BLCAP: variants seen among roughly 807,000 people sequenced by gnomAD.
BLCAP encodes apoptosis inducing factor BLCAP.
Under a neutral mutation model 5.7 loss-of-function variants are expected in BLCAP, and 1 was observed. The observed-to-expected ratio is 0.18, with a 90% CI of 0.06 to 0.83. The LOEUF is 0.83. Ranked by LOEUF, BLCAP falls within the 40% of genes least tolerant of loss-of-function variation. The pLI is 0.71. For synonymous variants in BLCAP, 48 were observed against 49.4 expected (o/e 0.97, Z 0.11); for missense variants, 66 against 107.6 (o/e 0.61, Z 1.71).
At chr20:37,522,832 T>A (rs914180033) in intron 1 of BLCAP, 11 of 1,393,264 alleles carry the variant, frequency 7.9e-6, no homozygotes, top group Non-Finnish European at 1.1e-5. Context: ...CGGGAGCCAG[T>A]GCCGCGCAGG....
rs1372549611 is a variant in BLCAP at position 37,527,833 on chromosome 20, T to TGCC, written c.-220_-218dup. On this transcript the variant is annotated 5_prime_UTR_variant, in exon 1 of 2. Transcript: ENST00000373537. The stretch of plus-strand genomic sequence containing the variant: ...TGGCGCCGCCGCCACTGTCGCCGTC[T>TGCC]GCCGCAGCCTGCCTCCACCTCAGCT... 1 of 152,558 alleles carries TGCC rather than the reference T, an allele frequency of 6.6e-6. No individual in the cohort carries two copies. The highest frequency in any genetic ancestry group is 1.5e-5 in the Non-Finnish European group (1 of 68,298). The allele number at this position is 152,558 out of a possible 1,614,324, so 9.5% of individuals were successfully genotyped here.
intron 1 of BLCAP, among the ~76,000 whole-genome samples, chr20:37,525,380 T>G (rs1217435634): frequency 6.6e-6 from 1 of 152,234 alleles, no homozygotes; most frequent in Non-Finnish European, 1.5e-5. Context: ...ACAGCACCTC[T>G]TGTGCCCCCA....
intron 1 of BLCAP, among the ~76,000 whole-genome samples, chr20:37,522,189 A>AAT (rs1555806947): frequency 3.7e-4 from 27 of 73,682 alleles, no homozygotes; most frequent in East Asian, 2.0e-3. Flanking sequence ...ACAAAAAAAA[A>AAT]AATAATAATA....
At chr20:37,524,805 G>T (rs909945731) in intron 1 of BLCAP, among the ~76,000 whole-genome samples, 1 of 152,152 alleles carries the variant, frequency 6.6e-6, no homozygotes, top group African/African-American at 2.4e-5. Context: ...AATTATAGGG[G>T]TGGGGAGGTG....
Position 37,518,961 on chromosome 20 carries a change from C to CG in BLCAP, c.213dup (p.Asp72ArgfsTer10). 1.2e-6 allele frequency: 2 copies of CG among 1,614,190 alleles called. No homozygotes were observed. The highest frequency in any genetic ancestry group is 1.7e-6 in the Non-Finnish European group (2 of 1,180,048). ...TGCGCCGATTCTGGAAGCGGGGAATCGGAGCAGTGGTACAGGAAACAGTTT... is the reference window on the plus strand; with the variant it reads ...TGCGCCGATTCTGGAAGCGGGGAATCGGGAGCAGTGGTACAGGAAACAGTTT... On this transcript the variant is annotated frameshift_variant, in exon 2 of 2. Transcript: ENST00000373537. LOFTEE classifies it high-confidence loss of function.
intron 1 of BLCAP, chr20:37,520,097 G>A (rs1322920456): frequency 6.6e-6 from 1 of 152,264 alleles, no homozygotes; most frequent in Non-Finnish European, 1.5e-5. Flanking sequence ...GCACTGTATA[G>A]AACCTGACCT....
At chr20:37,520,942 C>G (rs550782777) in intron 1 of BLCAP, among the ~76,000 whole-genome samples, 1 of 152,150 alleles carries the variant, frequency 6.6e-6, no homozygotes, top group African/African-American at 2.4e-5. Context: ...AGGCCAGGGA[C>G]TGGGGAGAAG....
chr20:37,521,139 T>G lies in BLCAP; in HGVS notation c.-176-1789A>C, dbSNP rs2071552203. On this transcript the variant is annotated intron_variant, in intron 1 of 1. Transcript: ENST00000373537. The surrounding 1 kb of genome is among the most constrained non-coding windows in gnomAD (Gnocchi z 4.5). ...CAGATGGATTATTTTTTTCCTCTCC[T>G]GGCGAATGAGGAGCGCCCCCAGCCA... 1.5e-6 allele frequency: 1 copy of G among 655,654 alleles called. No homozygotes were observed. Among genetic ancestry groups the G allele is most frequent in the Non-Finnish European group, 2.7e-6 (1 of 364,904 alleles). 40.6% of individuals were successfully genotyped at this position (655,654 alleles called of 1,614,324 possible).
chr20:37,519,327 G>T lies in BLCAP; in HGVS notation c.-153C>A. 1 of 812,312 alleles carries T rather than the reference G, an allele frequency of 1.2e-6. No homozygotes were observed. 50.3% of individuals were successfully genotyped at this position (812,312 alleles called of 1,614,324 possible). On this transcript the variant is annotated 5_prime_UTR_variant, in exon 2 of 2. Coordinates refer to ENST00000373537, the MANE Select transcript of BLCAP (RefSeq NM_006698.4). ...CGCTGTGCTCTCTGGCTGTCAGCCC[G>T]GGATCACCAAGGCAGCAGGGATCCT... is the stretch of plus-strand genomic sequence containing the variant.
In BLCAP at chr20:37,519,216, C is replaced by G. The variant is rs1372739398; in HGVS notation, c.-42G>C. 6.5e-7 allele frequency: 1 copy of G among 1,537,908 alleles called. No homozygotes were observed. ...GGCCTTCACCAAGGCTGCCGGGCAC[C>G]GCTGCAGGAACCGACCTAATGGGAG... On this transcript the variant is annotated 5_prime_UTR_variant, in exon 2 of 2. Transcript: ENST00000373537.
intron 1 of BLCAP, chr20:37,522,598 G>GCGC: frequency 2.3e-6 from 2 of 864,472 alleles, no homozygotes; most frequent in African/African-American, 1.8e-5. Flanking sequence ...GCGGGGGTGG[G>GCGC]CACGGCAGCA....
At chr20:37,520,903 G>A (rs1046048849) in intron 1 of BLCAP, among the ~76,000 whole-genome samples, 1 of 152,172 alleles carries the variant, frequency 6.6e-6, no homozygotes, top group African/African-American at 2.4e-5. Flanking sequence ...AGGCTTTGGA[G>A]TGGCACCGGA....
rs2071474185 is a variant in BLCAP at position 37,519,280 on chromosome 20, C to T, written c.-106G>A. 7.4e-7 allele frequency: 1 copy of T among 1,357,464 alleles called. No individual in the cohort carries two copies. The highest frequency in any genetic ancestry group is 9.9e-7 in the Non-Finnish European group (1 of 1,009,764). 84.1% of individuals were successfully genotyped at this position (1,357,464 alleles called of 1,614,324 possible). A position where few individuals can be genotyped will look rare whatever the true frequency, so the allele number is the denominator to read the frequency against. ...GCGGCTGCCCTCCGCTTTCTTCAAC[C>T]CTCACTCTCCAGGAGCTGAGCCGCT... On this transcript the variant is annotated 5_prime_UTR_variant, in exon 2 of 2. Transcript: ENST00000373537.
rs1438090782 is a variant in BLCAP at position 37,518,848 on chromosome 20, T to C, written c.*63A>G. The C allele has an allele frequency of 1.9e-6, 3 of 1,582,420 alleles. No homozygotes were observed. The highest frequency in any genetic ancestry group is 1.2e-5 in the South Asian group (1 of 85,606). On this transcript the variant is annotated 3_prime_UTR_variant, in exon 2 of 2. Transcript: ENST00000373537. ...CGGGATTTGAAACTCCAATGCTTTA[T>C]GACCTATGTCAATGCCTCCCCTCCC...
chr20:37,521,210 G>GGCGGGCGGGTACTTAAGGC lies in BLCAP; in HGVS notation c.-176-1879_-176-1861dup. The GGCGGGCGGGTACTTAAGGC allele has an allele frequency of 1.0e-6, 1 of 964,904 alleles. No individual in the cohort carries two copies. Among genetic ancestry groups the GGCGGGCGGGTACTTAAGGC allele is most frequent in the East Asian group, 2.4e-5 (1 of 41,562 alleles). 59.8% of individuals were successfully genotyped at this position (964,904 alleles called of 1,614,324 possible). On this transcript the variant is annotated intron_variant, in intron 1 of 1. Coordinates refer to ENST00000373537, the MANE Select transcript of BLCAP (RefSeq NM_006698.4). The surrounding 1 kb of genome is among the most constrained non-coding windows in gnomAD (Gnocchi z 4.5). The stretch of plus-strand genomic sequence containing the variant: ...CCAAGGCGCGCATGCGCACTTAGGT[G>GGCGGGCGGGTACTTAAGGC]GCGGGCGGGTACTTAAGGCGCGGCC...
At chr20:37,522,067 GA>G (rs11481521) in intron 1 of BLCAP, among the ~76,000 whole-genome samples, 1 of 147,956 alleles carries the variant, frequency 6.8e-6, no homozygotes, top group Non-Finnish European at 1.5e-5. Context: ...GGAGCTAACG[GA>G]AAAAAATGGA....
intron 1 of BLCAP, among the ~76,000 whole-genome samples, chr20:37,526,150 C>T (rs1012958093): frequency 7.2e-5 from 11 of 152,074 alleles, no homozygotes; most frequent in African/African-American, 2.7e-4. Flanking sequence ...GCTTGGGCAA[C>T]GGATTACTGT....
At chr20:37,522,174 G>T (rs1380895800) in intron 1 of BLCAP, among the ~76,000 whole-genome samples, 2 of 41,278 alleles carry the variant, frequency 4.8e-5, no homozygotes, top group African/African-American at 1.9e-4. Context: ...AAGGACAATT[G>T]CTTTACAAAA....
At chr20:37,522,495 G>C in intron 1 of BLCAP, 1 of 1,550,896 alleles carries the variant, frequency 6.4e-7, no homozygotes, top group African/African-American at 1.4e-5. Flanking sequence ...CAGCACAGTT[G>C]GAAAAGCTCC....
Sources: gnomAD v4.1 joint callset for allele counts (sites outside exome capture counted in the v4.1 genomes callset) on GRCh38, gnomAD v4.1.1 for gene constraint, Gnocchi (gnomAD v3.1) non-coding constraint, MANE v1.5 for transcripts, NCBI Gene and HGNC (gene_info 2026-07-23, HGNC 2026-07-21) for gene names.